MCM3AP: variants seen among roughly 807,000 people sequenced by gnomAD.
MCM3AP encodes the protein germinal-center associated nuclear protein.
MCM3AP carries 126 observed loss-of-function variants against 184.1 expected under a neutral mutation model. The ratio of observed to expected loss-of-function variants is 0.68; its 90% CI spans 0.59 to 0.79. The LOEUF (loss-of-function observed/expected upper bound fraction) is 0.79, where lower values mean the gene tolerates loss of function less well. MCM3AP is among the 30% of genes least tolerant of loss of function. The pLI is 0.00. For synonymous variants in MCM3AP, 1,002 were observed against 979.3 expected, an observed-to-expected ratio of 1.02 and a Z score of -0.43; for missense variants, 2,496 against 2,479.2, an observed-to-expected ratio of 1.01 and a Z score of -0.14.
Position 46,254,448 on chromosome 21 carries a change from C to T in MCM3AP, c.4080G>A (p.Trp1360Ter). ...HLPGRQEHVF[W>*]KLVLVLPDVE... ...CATCCGGCAACACCAGCACCAGCTT[C>T]CAAAACACATGCTCCTGCCTCCCAG... The change falls in exon 19 of 28, where the codon TGG becomes TGA. Residue 1360 changes from tryptophan (W) to a stop codon, truncating the protein, a stop_gained. Coordinates refer to ENST00000291688, the MANE Select transcript of MCM3AP (RefSeq NM_003906.5). LOFTEE classifies it high-confidence loss of function. 6.2e-7 allele frequency: 1 copy of T among 1,614,172 alleles called. No homozygotes were observed. Among genetic ancestry groups the T allele is most frequent in the Non-Finnish European group, 8.5e-7 (1 of 1,180,052 alleles).
At chr21:46,253,163 TTGCTTTAAAAATATGACTTCTGTATGCTA>T (rs1267866673) in intron 19 of MCM3AP, 2 of 152,076 alleles carry the variant, frequency 1.3e-5, no homozygotes, top group Non-Finnish European at 2.9e-5. Context: ...GAGACTGTAG[TTGCTTTAAAAATATGACTTCTGTATGCTA>T]TGTGGTTACA....
chr21:46,259,173 C>A, intron 15 of MCM3AP, 82 bp from the exon 16 acceptor site: 1 of 1,437,570 alleles, frequency 7.0e-7, no homozygotes, highest in South Asian at 1.3e-5. Flanking sequence ...GTGCAAGAGT[C>A]AGTCAGGCGC....
chr21:46,240,824 C>G lies in MCM3AP; in HGVS notation c.5620G>C (p.Glu1874Gln). ...AGTGGGCTTCACCTCTTGTTCTCTT[C>G]TTTCTCCAGCAGCAGACTGCTCGAC... ...CLSSSLLLEK[E>Q]ENKRFEDQLQ... is the part of the protein sequence containing the mutation. Residue 1874 changes from glutamate (E) to glutamine (Q), a missense_variant, in exon 26 of 28, where the codon GAA (glutamate) becomes CAA (glutamine). Transcript: ENST00000291688. 2 of 1,614,110 alleles carry G rather than the reference C, an allele frequency of 1.2e-6. No homozygotes were observed. Among genetic ancestry groups the G allele is most frequent in the Non-Finnish European group, 1.7e-6 (2 of 1,180,004 alleles).
intron 9 of MCM3AP, 164 bp from the exon 10 acceptor site, chr21:46,267,306 A>C: frequency 6.3e-6 from 4 of 633,128 alleles, no homozygotes; most frequent in Non-Finnish European, 1.1e-5. Context: ...CTTAGAGATC[A>C]TAGGCGGTCT....
chr21:46,259,118 G>C (rs754371245), intron 15 of MCM3AP, 27 bp from the exon 16 acceptor site: 1 of 1,588,104 alleles, frequency 6.3e-7, no homozygotes, highest in South Asian at 1.1e-5. Context: ...CAGCATGGAA[G>C]ACACTGCACT....
chr21:46,256,810 C>G lies in MCM3AP; in HGVS notation c.3911G>C (p.Arg1304Thr). 6.4e-7 allele frequency: 1 copy of G among 1,557,102 alleles called. No homozygotes were observed. Among genetic ancestry groups the G allele is most frequent in the Non-Finnish European group, 8.7e-7 (1 of 1,150,356 alleles). Residue 1304 changes from arginine to threonine, a missense_variant, in exon 17 of 28, where the codon AGA (arginine) becomes ACA (threonine). Transcript: ENST00000291688. ...RGLLDLGHAG[R>T]LGISCTRLRR... ...TGACCTGGTGCAGGAGATGCCCAAT[C>G]TCCCTGCATGGCCCAGGTCCAGGAG...
chr21:46,272,687 G>A lies in MCM3AP; in HGVS notation c.2339C>T (p.Thr780Ile). ...FDAKINNENM[T>I]KCLQSLKEMY... ...CTCCTTCAGGCTCTGCAGGCACTTG[G>A]TCATGTTCTCATTATTGATCTTGGC... The change falls in exon 8 of 28, where the codon ACC (threonine) becomes ATC (isoleucine). Residue 780 changes from threonine (T) to isoleucine (I), a missense_variant. This residue lies in a region of MCM3AP where 105 missense variants were observed against 97.1 expected (regional missense o/e 1.08). Coordinates refer to ENST00000291688, the MANE Select transcript of MCM3AP (RefSeq NM_003906.5). 1 of 1,614,112 alleles carries A rather than the reference G, an allele frequency of 6.2e-7. No homozygotes were observed. Among genetic ancestry groups the A allele is most frequent in the Non-Finnish European group, 8.5e-7 (1 of 1,180,026 alleles).
chr21:46,235,172 C>T lies in MCM3AP; in HGVS notation c.*96G>A. ...TTTATCTGCATGATTAAATTAATCA[C>T]ATTTCCAACAGTGCATCAAGCATCT... is the stretch of plus-strand genomic sequence containing the variant. On this transcript the variant is annotated 3_prime_UTR_variant, in exon 28 of 28. Transcript: ENST00000291688. 1 of 1,285,478 alleles carries T rather than the reference C, an allele frequency of 7.8e-7. No individual in the cohort carries two copies. The highest frequency in any genetic ancestry group is 1.1e-6 in the Non-Finnish European group (1 of 913,358). The allele number at this position is 1,285,478 out of a possible 1,614,324, so 79.6% of individuals were successfully genotyped here. A position where few individuals can be genotyped will look rare whatever the true frequency, so the allele number is the denominator to read the frequency against.
intron 13 of MCM3AP, 116 bp downstream of exon 13, chr21:46,264,000 TA>T: frequency 1.6e-6 from 1 of 609,360 alleles, no homozygotes; most frequent in Non-Finnish European, 2.9e-6. Context: ...TATCTGGCAA[TA>T]ACTTATTGGA....
chr21:46,235,164 A>G lies in MCM3AP; in HGVS notation c.*104T>C. 8.0e-7 allele frequency: 1 copy of G among 1,242,972 alleles called. No homozygotes were observed. Among genetic ancestry groups the G allele is most frequent in the South Asian group, 1.4e-5 (1 of 70,620 alleles). The allele number at this position is 1,242,972 out of a possible 1,614,324, so 77.0% of individuals were successfully genotyped here. ...TTAAATGGTTTATCTGCATGATTAA[A>G]TTAATCACATTTCCAACAGTGCATC... On this transcript the variant is annotated 3_prime_UTR_variant, in exon 28 of 28. Coordinates refer to ENST00000291688, the MANE Select transcript of MCM3AP (RefSeq NM_003906.5).
chr21:46,272,941 C>T, intron 7 of MCM3AP, 112 bp from the exon 8 acceptor site: 2 of 1,038,146 alleles, frequency 1.9e-6, no homozygotes, highest in Non-Finnish European at 2.8e-6. Context: ...AAACAAAGCC[C>T]ATGATGCACA....
intron 2 of MCM3AP, 149 bp from the exon 3 acceptor site, chr21:46,280,724 C>A: frequency 1.6e-6 from 1 of 610,406 alleles, no homozygotes. Flanking sequence ...TCCACCCACA[C>A]GTCTGCTAAC....
chr21:46,271,845 A>G (rs772307771), intron 8 of MCM3AP, among the ~76,000 whole-genome samples: 1 of 152,048 alleles, frequency 6.6e-6, no homozygotes, highest in Non-Finnish European at 1.5e-5. Context: ...TGGGCAACAG[A>G]GCAGGACTCG....
At position 46,240,191 on chromosome 21, in the gene MCM3AP, C is replaced by T. The variant is rs149604541; in HGVS notation, c.5633+620G>A. ...GATGAGATCCCAGCCCAGGGAAGGG[C>T]TGACTGACTACGAGCTGCATGGTTC... On this transcript the variant is annotated intron_variant, in intron 26 of 27. Transcript: ENST00000291688. 5.4e-3 allele frequency among the ~76,000 whole-genome samples: 822 copies of T among 152,198 alleles called. 4 individuals carry two copies. The highest frequency in any genetic ancestry group is 0.031 in the Middle Eastern group (9 of 294).
intron 27 of MCM3AP, chr21:46,236,151 T>C (rs2080520740): frequency 6.6e-6 from 1 of 152,250 alleles, no homozygotes; most frequent in African/African-American, 2.4e-5. Context: ...GGTATGAATA[T>C]TTTTAAAGTA....
At position 46,265,909 on chromosome 21, in the gene MCM3AP, C is replaced by A; in HGVS notation, c.3031+16G>T. ...AATGCAGCTAGTCCCCTCACTACGA[C>A]TGCAGCTTCACTCACCCACTGTGTC... On this transcript the variant is annotated intron_variant, in intron 11 of 27. Coordinates refer to ENST00000291688, the MANE Select transcript of MCM3AP (RefSeq NM_003906.5). 6.5e-7 allele frequency: 1 copy of A among 1,539,728 alleles called. No individual in the cohort carries two copies. The highest frequency in any genetic ancestry group is 8.8e-7 in the Non-Finnish European group (1 of 1,137,654).
At chr21:46,246,222 C>T (rs1006518841) in intron 22 of MCM3AP, 85 bp downstream of exon 22, 16 of 817,984 alleles carry the variant, frequency 2.0e-5, no homozygotes, top group African/African-American at 6.8e-5. Flanking sequence ...ACAATGCAAA[C>T]GCTAATATAC....
Position 46,270,768 on chromosome 21 carries a change from T to C in MCM3AP, c.2466-205A>G, listed in dbSNP as rs7510515. 0.23 allele frequency among the ~76,000 whole-genome samples: 34,199 copies of C among 151,988 alleles called. 4,123 individuals are homozygous for C. Among genetic ancestry groups the C allele is most frequent in the African/African-American group, 0.29 (12,043 of 41,460 alleles). ...GCAGTGAGCTGTGATCGCATCACTG[T>C]ACTCCAGCCTGGGTGACAGAGCAAG... On this transcript the variant is annotated intron_variant, in intron 8 of 27. Coordinates refer to ENST00000291688, the MANE Select transcript of MCM3AP (RefSeq NM_003906.5).
chr21:46,242,096 TG>T (rs2080677113), intron 25 of MCM3AP: 1 of 152,426 alleles, frequency 6.6e-6, no homozygotes, highest in African/African-American at 2.4e-5. Context: ...TGACTTTTCT[TG>T]GACTGACAAC....
Sources: allele counts gnomAD v4.1 joint callset (sites outside exome capture counted in the v4.1 genomes callset), GRCh38; gene constraint gnomAD v4.1.1; regional missense constraint gnomAD v4.1.1; transcripts MANE v1.5; gene names NCBI Gene and HGNC (gene_info 2026-07-23, HGNC 2026-07-21).